The following RABGAP1L variants were observed in gnomAD, a reference collection of about 807,000 sequenced individuals.
RABGAP1L encodes the protein rab GTPase-activating protein 1-like.
A neutral mutation model predicts 137.7 loss-of-function variants in RABGAP1L; 63 were observed. That is an observed-to-expected ratio of 0.46 (90% CI 0.37 to 0.56). RABGAP1L has a LOEUF of 0.56. Ranked by LOEUF, RABGAP1L falls within the 20% of genes least tolerant of loss-of-function variation. RABGAP1L has a pLI of 0.00. For missense variants in RABGAP1L, 1,095 were observed against 1,244.0 expected (o/e 0.88, Z 1.80); for synonymous variants, 431 against 433.7 (o/e 0.99, Z 0.08).
intron 18 of RABGAP1L, among the ~76,000 whole-genome samples, chr1:174,762,241 T>C (rs546518454): frequency 2.4e-4 from 36 of 152,358 alleles, no homozygotes; most frequent in African/African-American, 8.4e-4. Context: ...ATAGTTTTTA[T>C]GATCTGGCAC....
chr1:174,982,144 T>C (rs1007948290), intron 23 of RABGAP1L, among the ~76,000 whole-genome samples: 3 of 151,972 alleles, frequency 2.0e-5, no homozygotes, highest in Non-Finnish European at 4.4e-5. Context: ...CTGCCACCTT[T>C]TTTTAATACC....
At chr1:174,374,716 A>G (rs1685377740) in intron 12 of RABGAP1L, among the ~76,000 whole-genome samples, 1 of 152,314 alleles carries the variant, frequency 6.6e-6, no homozygotes, top group Admixed American at 6.5e-5. Flanking sequence ...CTAACTTGAT[A>G]GGTAGCTTGC....
chr1:174,669,812 C>T (rs1051721920), intron 14 of RABGAP1L, among the ~76,000 whole-genome samples: 2 of 151,992 alleles, frequency 1.3e-5, no homozygotes, highest in Admixed American at 6.6e-5. Context: ...TATTTCCAGG[C>T]CCTCTATTCT....
chr1:174,405,838 T>C (rs1989177), intron 13 of RABGAP1L, among the ~76,000 whole-genome samples: 53,436 of 151,690 alleles, frequency 0.35, 12,053 homozygotes, highest in African/African-American at 0.64. Context: ...ATTAACTGGG[T>C]GTGGCGACAC....
chr1:174,979,727 GA>G (rs1437514703), intron 23 of RABGAP1L, among the ~76,000 whole-genome samples: 1 of 152,154 alleles, frequency 6.6e-6, no homozygotes, highest in Non-Finnish European at 1.5e-5. Flanking sequence ...TCATCTTCTT[GA>G]GGATGTTTCT....
At chr1:174,795,439 A>G (rs1443188702) in intron 18 of RABGAP1L, among the ~76,000 whole-genome samples, 1 of 152,208 alleles carries the variant, frequency 6.6e-6, no homozygotes, top group African/African-American at 2.4e-5. Context: ...TTTATCTGTC[A>G]TAAGTTTCCC....
chr1:174,551,734 C>G (rs908824622), intron 13 of RABGAP1L, among the ~76,000 whole-genome samples: 3 of 149,280 alleles, frequency 2.0e-5, no homozygotes, highest in African/African-American at 5.0e-5. Flanking sequence ...CAGAGAAAAA[C>G]CATGAAACAA....
At chr1:174,178,267 C>T (rs969035501) in intron 1 of RABGAP1L, among the ~76,000 whole-genome samples, 18 of 152,062 alleles carry the variant, frequency 1.2e-4, no homozygotes, top group Non-Finnish European at 1.9e-4. Flanking sequence ...ATTTGGCTCT[C>T]TGCTTGTCTG....
chr1:174,565,911 G>A (rs1280464669), intron 13 of RABGAP1L, among the ~76,000 whole-genome samples: 1 of 142,594 alleles, frequency 7.0e-6, no homozygotes, highest in African/African-American at 2.6e-5. Context: ...TTTGAGACAG[G>A]TTCTGGTTCT....
At chr1:174,459,802 T>C (rs1656465884) in intron 13 of RABGAP1L, among the ~76,000 whole-genome samples, 1 of 152,096 alleles carries the variant, frequency 6.6e-6, no homozygotes, top group African/African-American at 2.4e-5. Flanking sequence ...TTAAAGTCAC[T>C]GAGATAGTAG....
rs767977974 is a variant in RABGAP1L, at chr1:174,221,093, C to T, written c.260C>T (p.Ser87Leu). ...AGTTCCAGTGAGATTTCAGACCATT[C>T]GTTTGGAGATATTCCAGCCAGCCAA... ...CQSSSEISDH[S>L]FGDIPASQTN... Residue 87 changes from serine to leucine, a missense_variant, in exon 3 of 26, where the codon TCG (serine) becomes TTG (leucine). Coordinates refer to ENST00000681986, the MANE Select transcript of RABGAP1L (RefSeq NM_001366446.1). 15 of 1,613,700 alleles carry T rather than the reference C, an allele frequency of 9.3e-6. No individual in the cohort carries two copies. The highest frequency in any genetic ancestry group is 8.0e-5 in the African/African-American group (6 of 74,884).
chr1:174,601,531 G>C (rs1670413441), intron 13 of RABGAP1L, among the ~76,000 whole-genome samples: 2 of 152,054 alleles, frequency 1.3e-5, no homozygotes, highest in Admixed American at 1.3e-4. Context: ...AGCATTAGGA[G>C]AAATACCTAA....
chr1:174,202,389 C>G (rs1668183325), intron 1 of RABGAP1L, among the ~76,000 whole-genome samples: 1 of 152,194 alleles, frequency 6.6e-6, no homozygotes, highest in South Asian at 2.1e-4. Context: ...ATTTGCATTT[C>G]TCTGATGGCC....
chr1:174,423,864 T>C (rs915462653), intron 13 of RABGAP1L, among the ~76,000 whole-genome samples: 2 of 152,198 alleles, frequency 1.3e-5, no homozygotes, highest in Admixed American at 1.3e-4. Flanking sequence ...ATTTTACTTT[T>C]GATTTATATA....
At chr1:174,287,101 A>G (rs900951460) in intron 10 of RABGAP1L, among the ~76,000 whole-genome samples, 2 of 152,212 alleles carry the variant, frequency 1.3e-5, no homozygotes, top group Admixed American at 6.5e-5. Flanking sequence ...TTCTGCCTGC[A>G]TGATCTATCT....
At chr1:174,401,283 A>T (rs1367511041) in intron 13 of RABGAP1L, among the ~76,000 whole-genome samples, 4 of 152,164 alleles carry the variant, frequency 2.6e-5, no homozygotes, top group Admixed American at 2.6e-4. Flanking sequence ...AAGCTCCTTA[A>T]CTATCTTCAG....
At chr1:174,893,028 G>A (rs1573701304) in intron 19 of RABGAP1L, 3 of 256,836 alleles carry the variant, frequency 1.2e-5, no homozygotes, top group East Asian at 2.1e-4. Flanking sequence ...TTACAGGCAT[G>A]AGCCACCACG....
intron 14 of RABGAP1L, among the ~76,000 whole-genome samples, chr1:174,644,946 A>G (rs572824248): frequency 3.3e-5 from 5 of 152,152 alleles, no homozygotes; most frequent in Non-Finnish European, 7.3e-5. Flanking sequence ...CCTACGCACT[A>G]TACCCACAGT....
At chr1:174,504,744 G>A (rs973846618) in intron 13 of RABGAP1L, among the ~76,000 whole-genome samples, 2 of 152,158 alleles carry the variant, frequency 1.3e-5, no homozygotes, top group Admixed American at 6.5e-5. Flanking sequence ...AGACTTAAAT[G>A]TAAAACCTGA....
Sources: gnomAD v4.1 joint callset for allele counts (sites outside exome capture counted in the v4.1 genomes callset) on GRCh38, gnomAD v4.1.1 for gene constraint, MANE v1.5 for transcripts, NCBI Gene and HGNC (gene_info 2026-07-23, HGNC 2026-07-21) for gene names.